Variants in SLC36A3 observed in about 807,000 individuals in gnomAD.
The protein encoded by SLC36A3 is proton-coupled amino acid transporter 3.
Under a neutral mutation model 44.3 loss-of-function variants are expected in SLC36A3, and 35 were observed. The observed-to-expected ratio is 0.79, with a 90% CI of 0.60 to 1.05. SLC36A3 has a LOEUF of 1.05. Ranked by LOEUF, SLC36A3 falls within the 50% of genes least tolerant of loss-of-function variation. The pLI is 0.00. For missense variants in SLC36A3, 540 were observed against 578.7 expected, an observed-to-expected ratio of 0.93 and a Z score of 0.69; for synonymous variants, 211 against 227.6, an observed-to-expected ratio of 0.93 and a Z score of 0.66.
In SLC36A3 at chr5:151,277,326, T is replaced by A; in HGVS notation, c.*67A>T. On this transcript the variant is annotated 3_prime_UTR_variant, in exon 10 of 10. Coordinates refer to ENST00000335230, the MANE Select transcript of SLC36A3 (RefSeq NM_181774.4). ...GATGTTGGGATTTGATGAAGGTATA[T>A]AACATCCACATGGAAGTCAAACTGG... 6.3e-7 allele frequency: 1 copy of A among 1,582,426 alleles called. No homozygotes were observed. The highest frequency in any genetic ancestry group is 1.1e-5 in the South Asian group (1 of 88,418).
intron 5 of SLC36A3, among the ~76,000 whole-genome samples, chr5:151,288,178 C>T (rs922328499): frequency 1.1e-4 from 17 of 152,202 alleles, no homozygotes; most frequent in African/African-American, 3.4e-4. Flanking sequence ...TCTTTCTACC[C>T]TGGCTAAACT....
At chr5:151,282,886 CT>C (rs11362344) in intron 8 of SLC36A3, among the ~76,000 whole-genome samples, 32,194 of 142,246 alleles carry the variant, frequency 0.23, 3,768 homozygotes, top group Admixed American at 0.37. Context: ...TTCTTTCTTT[CT>C]TTTTTTTTTT....
chr5:151,288,377 G>A lies in SLC36A3; in HGVS notation c.489+9C>T. On this transcript the variant is annotated intron_variant, in intron 5 of 9. Coordinates refer to ENST00000335230, the MANE Select transcript of SLC36A3 (RefSeq NM_181774.4). ...TTTCCCCCACTCTGCCCAGAAGAGG[G>A]CTCTTTACCTGTTGTAAATTGTCTG... The A allele has an allele frequency of 6.3e-7, 1 of 1,591,432 alleles. No homozygotes were observed.
intron 9 of SLC36A3, among the ~76,000 whole-genome samples, chr5:151,278,490 T>C (rs1035915315): frequency 5.9e-5 from 9 of 152,238 alleles, no homozygotes; most frequent in African/African-American, 2.2e-4. Context: ...GTATACTATG[T>C]GTATGTAGTT....
chr5:151,292,870 G>C (rs1007662163), intron 4 of SLC36A3, among the ~76,000 whole-genome samples: 1 of 152,098 alleles, frequency 6.6e-6, no homozygotes, highest in Non-Finnish European at 1.5e-5. Context: ...TGTAATCCCA[G>C]CTACTCAGGA....
At chr5:151,287,019 A>G (rs368070852) in intron 6 of SLC36A3, among the ~76,000 whole-genome samples, 33 of 147,944 alleles carry the variant, frequency 2.2e-4, no homozygotes, top group African/African-American at 8.5e-4. Context: ...TTATTATCCA[A>G]TGTGACGATG....
intron 5 of SLC36A3, 102 bp from the exon 6 acceptor site, chr5:151,287,566 T>A: frequency 9.1e-7 from 1 of 1,100,620 alleles, no homozygotes; most frequent in Non-Finnish European, 1.3e-6. Context: ...TTAGTATAAA[T>A]ATGCCCCAAA....
chr5:151,294,245 G>A (rs1754872623), intron 3 of SLC36A3, among the ~76,000 whole-genome samples: 1 of 152,206 alleles, frequency 6.6e-6, no homozygotes, highest in Non-Finnish European at 1.5e-5. Flanking sequence ...GTGAGAGACG[G>A]ATATAGAGAT....
chr5:151,284,254 A>G, intron 7 of SLC36A3, 44 bp from the exon 8 acceptor site: 1 of 1,561,028 alleles, frequency 6.4e-7, no homozygotes, highest in Non-Finnish European at 8.7e-7. Context: ...GTAGAAAGAG[A>G]TGTGGCCCAT....
chr5:151,293,431 C>T lies in SLC36A3; in HGVS notation c.337G>A (p.Glu113Lys). ...GTTTCAAGGCCGTACATCGTGGCCT[C>T]TCCATAGTTCACAAAAGTCTTCTGC... ...RLQKTFVNYG[E>K]ATMYGLETCP... The change falls in exon 4 of 10, where the codon GAG becomes AAG. Residue 113 changes from glutamate to lysine, a missense_variant. Coordinates refer to ENST00000335230, the MANE Select transcript of SLC36A3 (RefSeq NM_181774.4). 6.2e-7 allele frequency: 1 copy of T among 1,613,588 alleles called. No individual in the cohort carries two copies. Among genetic ancestry groups the T allele is most frequent in the Non-Finnish European group, 8.5e-7 (1 of 1,179,706 alleles).
intron 8 of SLC36A3, among the ~76,000 whole-genome samples, chr5:151,282,954 G>A (rs929001757): frequency 1.3e-5 from 2 of 150,256 alleles, no homozygotes; most frequent in Non-Finnish European, 3.0e-5. Context: ...GCGTGATCTC[G>A]GCTCACTGCA....
Position 151,289,495 on chromosome 5 carries a change from C to CAA in SLC36A3, c.405-1027_405-1026dup, listed in dbSNP as rs34426580. On this transcript the variant is annotated intron_variant, in intron 4 of 9. Coordinates refer to ENST00000335230, the MANE Select transcript of SLC36A3 (RefSeq NM_181774.4). Reference sequence around the variant, plus strand: ...TGAGAAACAGAGTGAGAATCTGCCTCAAAAAAAAAAAGAAATTATTATTAA... The same window carrying CAA: ...TGAGAAACAGAGTGAGAATCTGCCTCAAAAAAAAAAAAAGAAATTATTATTAA... Among the ~76,000 whole-genome samples the CAA allele has an allele frequency of 9.4e-4, 135 of 143,102 alleles. 1 individual carries two copies. The highest frequency in any genetic ancestry group is 7.7e-3 in the East Asian group (38 of 4,958). The allele number at this position is 143,102 out of a possible 152,430, so 93.9% of individuals were successfully genotyped here.
intron 7 of SLC36A3, 23 bp downstream of exon 7, chr5:151,284,590 C>G (rs371691646): frequency 2.5e-6 from 4 of 1,580,448 alleles, no homozygotes; most frequent in Non-Finnish European, 3.5e-6. Context: ...AGGGACCATT[C>G]GCGTGAACCC....
chr5:151,300,420 G>A (rs537041032), intron 1 of SLC36A3, among the ~76,000 whole-genome samples: 1 of 152,152 alleles, frequency 6.6e-6, no homozygotes. Context: ...CCTAAGGATG[G>A]GGGGGTGGGC....
Position 151,296,201 on chromosome 5 carries a change from C to T in SLC36A3, c.287G>A (p.Cys96Tyr). The change falls in exon 3 of 10, where the codon TGT (cysteine) becomes TAT (tyrosine). Residue 96 changes from cysteine (C) to tyrosine (Y), a missense_variant. By Grantham distance (194) the Cys-to-Tyr change is radical. Coordinates refer to ENST00000335230, the MANE Select transcript of SLC36A3 (RefSeq NM_181774.4). ...TVHCMVILLN[C>Y]AQHLSQRLQK... Reference sequence around the variant, plus strand: ...TGACCTCTGGCTGAGGTGTTGAGCACAGTTCAACAGGATGACCATGCAGTG... The same window carrying T: ...TGACCTCTGGCTGAGGTGTTGAGCATAGTTCAACAGGATGACCATGCAGTG... 6.2e-7 allele frequency: 1 copy of T among 1,614,126 alleles called. No homozygotes were observed. Among genetic ancestry groups the T allele is most frequent in the Non-Finnish European group, 8.5e-7 (1 of 1,180,018 alleles).
In SLC36A3 at chr5:151,303,308, T is replaced by C. The variant is rs2127276421; in HGVS notation, c.47A>G (p.Asp16Gly). 1 of 1,614,080 alleles carries C rather than the reference T, an allele frequency of 6.2e-7. No homozygotes were observed. The highest frequency in any genetic ancestry group is 1.1e-5 in the South Asian group (1 of 91,074). The change falls in exon 1 of 10, where the codon GAC (aspartate) becomes GGC (glycine). Residue 16 changes from aspartate to glycine, a missense_variant. Transcript: ENST00000335230. ...RDYNSELNSL[D>G]NGPQSPSESS... ...CTCTGAGGGTGACTGAGGTCCGTTG[T>C]CCAAGGAGTTCAGCTCACTGTTGTA...
At chr5:151,281,313 A>G in intron 8 of SLC36A3, 130 bp from the exon 9 acceptor site, 1 of 888,396 alleles carries the variant, frequency 1.1e-6, no homozygotes, top group Non-Finnish European at 1.7e-6. Context: ...AAATGCTTCA[A>G]AATCCAAAAC....
At chr5:151,297,439 G>A (rs980571373) in intron 2 of SLC36A3, 1 of 152,204 alleles carries the variant, frequency 6.6e-6, no homozygotes, top group South Asian at 2.1e-4. Context: ...GGCAGCAAGG[G>A]TCTCGCCTTC....
At chr5:151,296,084 G>A in intron 3 of SLC36A3, 96 bp downstream of exon 3, 1 of 1,124,576 alleles carries the variant, frequency 8.9e-7, no homozygotes, top group Non-Finnish European at 1.3e-6. Context: ...GTGGCCTGGA[G>A]CAGTGGCCGA....
Sources: gnomAD v4.1 joint callset for allele counts (sites outside exome capture counted in the v4.1 genomes callset) on GRCh38, gnomAD v4.1.1 for gene constraint, MANE v1.5 for transcripts, NCBI Gene and HGNC (gene_info 2026-07-23, HGNC 2026-07-21) for gene names.